Variants in MTPAP observed in about 807,000 individuals in gnomAD.
The protein encoded by MTPAP is mitochondrial poly(A) polymerase.
MTPAP carries 23 observed loss-of-function variants against 48.7 expected under a neutral mutation model. The observed-to-expected ratio is 0.47, with a 90% CI of 0.34 to 0.67. The LOEUF is 0.67. MTPAP is among the 30% of genes least tolerant of loss of function. The probability of loss-of-function intolerance (pLI) is 0.01; values close to 1 mark genes in which losing one functional copy is unlikely to be tolerated. For missense variants in MTPAP, 614 were observed against 694.3 expected, an observed-to-expected ratio of 0.88 and a Z score of 1.30; for synonymous variants, 257 against 254.1, an observed-to-expected ratio of 1.01 and a Z score of -0.11.
intron 6 of MTPAP, among the ~76,000 whole-genome samples, chr10:30,317,049 T>TG (rs1840671974): frequency 6.6e-6 from 1 of 152,234 alleles, no homozygotes; most frequent in Non-Finnish European, 1.5e-5. Flanking sequence ...AATTTCACTA[T>TG]GGCATAACTA....
chr10:30,323,128 CAAAAAAAAAAA>C (rs201987154), intron 5 of MTPAP, among the ~76,000 whole-genome samples: 11,478 of 86,670 alleles, frequency 0.13, 544 homozygotes, highest in South Asian at 0.22. Context: ...GACTCCGTTT[CAAAAAAAAAAA>C]AAAAAAAAAA....
intron 6 of MTPAP, among the ~76,000 whole-genome samples, 159 bp from the exon 7 acceptor site, chr10:30,316,369 G>A (rs1237866913): frequency 3.3e-5 from 5 of 151,262 alleles, no homozygotes; most frequent in African/African-American, 1.2e-4. Flanking sequence ...CAGCCTCCCG[G>A]GTAGCTGGGA....
Position 30,349,182 on chromosome 10 carries a change from A to G in MTPAP, c.94T>C (p.Cys32Arg). The change falls in exon 1 of 9, where the codon TGC (cysteine) becomes CGC (arginine). Residue 32 changes from cysteine (C) to arginine (R), a missense_variant. Transcript: ENST00000263063. The part of the protein sequence containing the change: ...VQRPIVRLLS[C>R]PGTVAKDLRR... ...AGGTCTTTGGCCACAGTTCCTGGGC[A>G]ACTCAAAAGCCTGACGATAGGCCGC... 6.2e-7 allele frequency: 1 copy of G among 1,613,284 alleles called. No individual in the cohort carries two copies. Among genetic ancestry groups the G allele is most frequent in the Non-Finnish European group, 8.5e-7 (1 of 1,179,814 alleles).
chr10:30,329,875 T>C (rs1588716688), intron 4 of MTPAP, among the ~76,000 whole-genome samples: 1 of 151,894 alleles, frequency 6.6e-6, no homozygotes, highest in Non-Finnish European at 1.5e-5. Context: ...CTGAGGGCGA[T>C]ACAGTAGATT....
chr10:30,338,928 C>T (rs571855137), intron 3 of MTPAP, among the ~76,000 whole-genome samples: 2 of 151,804 alleles, frequency 1.3e-5, no homozygotes, highest in African/African-American at 4.8e-5. Flanking sequence ...TCGAGACCAT[C>T]CTGGCTAACT....
At chr10:30,319,495 T>G (rs1187777795) in intron 6 of MTPAP, among the ~76,000 whole-genome samples, 2 of 152,230 alleles carry the variant, frequency 1.3e-5, no homozygotes, top group Non-Finnish European at 1.5e-5. Context: ...CACCAAGTAC[T>G]CAATATGGTT....
intron 4 of MTPAP, among the ~76,000 whole-genome samples, chr10:30,331,244 C>G (rs1406107697): frequency 6.6e-6 from 1 of 152,202 alleles, no homozygotes; most frequent in Non-Finnish European, 1.5e-5. Context: ...TTAATGTGTG[C>G]TATTCCTATA....
At position 30,340,424 on chromosome 10, in the gene MTPAP, G is replaced by A. The variant is rs1274249467; in HGVS notation, c.357C>T (p.Cys119=). ...SFGLYAVVEF[C]QKESIGSLQN... ...GCAGTGAACCTATGCTTTCCTTTTG[G>A]CAAAATTCTACGACAGCATAGAGAC... The change falls in exon 3 of 9, where the codon TGC becomes TGT. Residue 119 remains cysteine (C), a synonymous_variant. Coordinates refer to ENST00000263063, the MANE Select transcript of MTPAP (RefSeq NM_018109.4). 2.9e-5 allele frequency: 46 copies of A among 1,614,036 alleles called. No homozygotes were observed. Among genetic ancestry groups the A allele is most frequent in the Non-Finnish European group, 3.9e-5 (46 of 1,180,002 alleles).
At chr10:30,328,834 AAAG>A (rs1316108200) in intron 4 of MTPAP, among the ~76,000 whole-genome samples, 1 of 152,196 alleles carries the variant, frequency 6.6e-6, no homozygotes, top group African/African-American at 2.4e-5. Context: ...ATGAAAAAGA[AAAG>A]AAAATCAGTG....
At chr10:30,324,467 T>C (rs1340300521) in intron 5 of MTPAP, among the ~76,000 whole-genome samples, 1 of 151,650 alleles carries the variant, frequency 6.6e-6, no homozygotes, top group Admixed American at 6.6e-5. Context: ...GAAAGGAGGA[T>C]TGTTTGGGCC....
intron 8 of MTPAP, among the ~76,000 whole-genome samples, chr10:30,314,884 C>CAAAAAAAAAAAAAAAAA (rs34249388): frequency 1.6e-4 from 18 of 110,746 alleles, no homozygotes; most frequent in South Asian, 2.9e-4. Flanking sequence ...AAAACAAAAA[C>CAAAAAAAAAAAAAAAAA]AAAAAAAAAA....
chr10:30,326,681 A>C (rs1564520455), intron 4 of MTPAP, 46 bp from the exon 5 acceptor site: 6 of 1,456,574 alleles, frequency 4.1e-6, no homozygotes, highest in Non-Finnish European at 5.8e-6. Flanking sequence ...GGTAAAAAAA[A>C]CAATTTTTTA....
In MTPAP at chr10:30,312,665, G is replaced by A. The variant is rs745708498; in HGVS notation, c.*944C>T. 3 of 151,960 alleles carry A rather than the reference G, an allele frequency of 2.0e-5. No individual in the cohort carries two copies. The highest frequency in any genetic ancestry group is 2.1e-4 in the South Asian group (1 of 4,822). The allele number at this position is 151,960 out of a possible 1,614,324, so 9.4% of individuals were successfully genotyped here. A position where few individuals can be genotyped will look rare whatever the true frequency, so the allele number is the denominator to read the frequency against. On this transcript the variant is annotated 3_prime_UTR_variant, in exon 9 of 9. Transcript: ENST00000263063. ...TGCAAGGTGGAATTCTCCCATGCACGGGCTCCACAGGACTGAAGGAGTTCA... is the reference window on the plus strand; with the variant it reads ...TGCAAGGTGGAATTCTCCCATGCACAGGCTCCACAGGACTGAAGGAGTTCA...
Position 30,313,618 on chromosome 10 carries a change from A to C in MTPAP, c.1740T>G (p.Thr580=). 1.2e-6 allele frequency: 2 copies of C among 1,614,194 alleles called. No homozygotes were observed. The highest frequency in any genetic ancestry group is 1.7e-6 in the Non-Finnish European group (2 of 1,180,004). The change falls in exon 9 of 9, where the codon ACT becomes ACG. Residue 580 remains threonine, a synonymous_variant. Transcript: ENST00000263063. ...TKTSGKRTIS[T]QT is the part of the protein sequence containing the mutation. ...CACAATGTAGCAGCCATCATGTCTG[A>C]GTACTAATTGTTCTCTTCCCACTGG...
chr10:30,330,996 G>C (rs80027647), intron 4 of MTPAP, among the ~76,000 whole-genome samples: 5,915 of 152,224 alleles, frequency 0.039, 143 homozygotes, highest in Non-Finnish European at 0.049. Context: ...TTTGAGATAT[G>C]GGAGTTGTTT....
chr10:30,338,109 C>A (rs1359486411), intron 3 of MTPAP, among the ~76,000 whole-genome samples: 1 of 147,854 alleles, frequency 6.8e-6, no homozygotes, highest in Non-Finnish European at 1.5e-5. Flanking sequence ...AAAAAAAATA[C>A]AAAAACTAGC....
At position 30,313,449 on chromosome 10, in the gene MTPAP, C is replaced by T. The variant is rs1440259844; in HGVS notation, c.*160G>A. On this transcript the variant is annotated 3_prime_UTR_variant, in exon 9 of 9. Transcript: ENST00000263063. ...ATCAGACTGATCAAACTGAAAACAT[C>T]CCAGAACTTCAGACCAGGTTAAGGG... The T allele has an allele frequency of 2.0e-6, 2 of 1,000,052 alleles. No individual in the cohort carries two copies. The highest frequency in any genetic ancestry group is 1.6e-5 in the African/African-American group (1 of 62,298). The allele number at this position is 1,000,052 out of a possible 1,614,324, so 61.9% of individuals were successfully genotyped here.
chr10:30,340,504 ACT>A lies in MTPAP; in HGVS notation c.331-56_331-55del. On this transcript the variant is annotated intron_variant, in intron 2 of 8. Coordinates refer to ENST00000263063, the MANE Select transcript of MTPAP (RefSeq NM_018109.4). ...ACACATTTCACGATATATCTAACAT[ACT>A]ATTTTAGCTCATATATTAAAACAAT... is the stretch of plus-strand genomic sequence containing the variant. The A allele has an allele frequency of 2.4e-6, 3 of 1,252,178 alleles. No homozygotes were observed. The South Asian group carries it at 3.6e-5, about 15-fold the overall frequency. 77.6% of individuals were successfully genotyped at this position (1,252,178 alleles called of 1,614,324 possible).
In MTPAP at chr10:30,310,726, C is replaced by A. The variant is rs190790470; in HGVS notation, c.*2883G>T. 2 of 151,920 alleles carry A rather than the reference C, an allele frequency of 1.3e-5. No individual in the cohort carries two copies. Among genetic ancestry groups the A allele is most frequent in the Admixed American group, 1.3e-4 (2 of 15,240 alleles). 9.4% of individuals were successfully genotyped at this position (151,920 alleles called of 1,614,324 possible). A position where few individuals can be genotyped will look rare whatever the true frequency, so the allele number is the denominator to read the frequency against. ...ACCAGCCTGGCCAACATGGTGAAACCCCGTCTCTACTAACATACAAAAATT... is the reference window on the plus strand; with the variant it reads ...ACCAGCCTGGCCAACATGGTGAAACACCGTCTCTACTAACATACAAAAATT... On this transcript the variant is annotated 3_prime_UTR_variant, in exon 9 of 9. Transcript: ENST00000263063.
Sources: gnomAD v4.1 joint callset for allele counts (sites outside exome capture counted in the v4.1 genomes callset) on GRCh38, gnomAD v4.1.1 for gene constraint, MANE v1.5 for transcripts, NCBI Gene and HGNC (gene_info 2026-07-23, HGNC 2026-07-21) for gene names.